COL23A1: variants seen among roughly 807,000 people sequenced by gnomAD.
COL23A1 encodes the protein collagen alpha-1(XXIII) chain.
In COL23A1, 97 loss-of-function variants were observed where a neutral mutation model predicts 99.3. The ratio of observed to expected loss-of-function variants is 0.98; its 90% CI spans 0.83 to 1.16. COL23A1 has a LOEUF of 1.16. Ranked by LOEUF, COL23A1 falls within the 50% of genes most tolerant of loss-of-function variation. The pLI, the probability that COL23A1 is intolerant of heterozygous loss-of-function variation, is 0.00. For synonymous variants in COL23A1, 320 were observed against 308.2 expected (o/e 1.04, Z -0.40); for missense variants, 762 against 757.4 (o/e 1.01, Z -0.07).
At chr5:178,535,433 T>C (rs532896116) in intron 2 of COL23A1, among the ~76,000 whole-genome samples, 110 of 152,366 alleles carry the variant, frequency 7.2e-4, no homozygotes, top group Admixed American at 7.1e-3. Context: ...AAGCTGAGCA[T>C]GCTCCTGTGA....
chr5:178,248,301 A>G (rs773125474), intron 19 of COL23A1, 47 bp from the exon 20 acceptor site: 4 of 1,451,090 alleles, frequency 2.8e-6, no homozygotes, highest in Admixed American at 1.7e-5. Context: ...CAGCACCTGT[A>G]TCACCACCCA....
At chr5:178,318,838 G>A (rs924714207) in intron 2 of COL23A1, among the ~76,000 whole-genome samples, 5 of 150,804 alleles carry the variant, frequency 3.3e-5, no homozygotes, top group Admixed American at 6.6e-5. Context: ...GGAGGCAGAG[G>A]TTGCAGCGAG....
At chr5:178,476,112 T>C (rs527418331) in intron 2 of COL23A1, among the ~76,000 whole-genome samples, 1 of 152,350 alleles carries the variant, frequency 6.6e-6, no homozygotes, top group East Asian at 1.9e-4. Context: ...GCCCTAGTCC[T>C]GTGAATGTCC....
At chr5:178,408,989 C>A (rs867189217) in intron 2 of COL23A1, among the ~76,000 whole-genome samples, 22 of 141,950 alleles carry the variant, frequency 1.5e-4, no homozygotes, top group African/African-American at 6.0e-4. Flanking sequence ...CACACACACA[C>A]ACACACACAC....
chr5:178,269,402 TCCAA>T (rs1756115696), intron 6 of COL23A1, among the ~76,000 whole-genome samples: 1 of 35,622 alleles, frequency 2.8e-5, no homozygotes, highest in Non-Finnish European at 4.7e-5. Flanking sequence ...CACCCATCCA[TCCAA>T]CCATCCATCC....
chr5:178,500,609 A>T (rs1758474223), intron 2 of COL23A1, among the ~76,000 whole-genome samples: 1 of 151,432 alleles, frequency 6.6e-6, no homozygotes, highest in Non-Finnish European at 1.5e-5. Flanking sequence ...TGTCTCAAAA[A>T]ACAAACCAAA....
At chr5:178,322,148 A>G (rs927253449) in intron 2 of COL23A1, among the ~76,000 whole-genome samples, 2 of 152,008 alleles carry the variant, frequency 1.3e-5, no homozygotes, top group Non-Finnish European at 2.9e-5. Flanking sequence ...ACCCGCCAGC[A>G]CGCCCAGTTA....
intron 2 of COL23A1, among the ~76,000 whole-genome samples, chr5:178,557,083 C>T (rs772939898): frequency 5.3e-5 from 8 of 152,234 alleles, no homozygotes; most frequent in Non-Finnish European, 1.0e-4. Flanking sequence ...GCGGGGCGGG[C>T]TCCTCAGGGA....
At chr5:178,556,197 A>G (rs931029345) in intron 2 of COL23A1, among the ~76,000 whole-genome samples, 2 of 152,162 alleles carry the variant, frequency 1.3e-5, no homozygotes, top group African/African-American at 4.8e-5. Flanking sequence ...TATCTCGGAT[A>G]CACAGACGGG....
chr5:178,289,671 G>A (rs1477616037), intron 4 of COL23A1, among the ~76,000 whole-genome samples: 1 of 152,182 alleles, frequency 6.6e-6, no homozygotes, highest in East Asian at 1.9e-4. Context: ...ACGGGACACT[G>A]AAGCATTTAG....
intron 2 of COL23A1, among the ~76,000 whole-genome samples, chr5:178,500,763 T>C (rs1363223275): frequency 6.6e-6 from 1 of 152,074 alleles, no homozygotes. Context: ...GAAGAAATTA[T>C]GAGAGATTCT....
chr5:178,387,039 G>A lies in COL23A1; in HGVS notation c.362-80120C>T, dbSNP rs535252519. Among the ~76,000 whole-genome samples, 6 of 152,078 alleles carry A rather than the reference G, an allele frequency of 3.9e-5. No homozygotes were observed. Among genetic ancestry groups the A allele is most frequent in the African/African-American group, 1.2e-4 (5 of 41,482 alleles). Reference sequence around the variant, plus strand: ...ACTTCAGCTCCAGGTTTCGTCTCTCGCTCCAGGCTTCCTGCTGTCCGACTT... The same window carrying A: ...ACTTCAGCTCCAGGTTTCGTCTCTCACTCCAGGCTTCCTGCTGTCCGACTT... On this transcript the variant is annotated intron_variant, in intron 2 of 28. Transcript: ENST00000390654. This position sits in a 1 kb window ranked among gnomAD's most constrained non-coding sequence, Gnocchi z 4.7.
intron 12 of COL23A1, 54 bp from the exon 13 acceptor site, chr5:178,257,621 C>G (rs891790786): frequency 3.3e-6 from 5 of 1,525,826 alleles, no homozygotes; most frequent in Admixed American, 3.9e-5. Flanking sequence ...GGCCAGTGGG[C>G]CCCTCCCTCC....
At chr5:178,382,968 C>T (rs1342050325) in intron 2 of COL23A1, among the ~76,000 whole-genome samples, 3 of 152,112 alleles carry the variant, frequency 2.0e-5, no homozygotes, top group Non-Finnish European at 2.9e-5. Context: ...CACTCCAGTG[C>T]AGACCTGGGG....
rs1326953616 is a variant in COL23A1, at chr5:178,254,988, C to T, written c.921G>A (p.Val307=). 6.2e-7 allele frequency: 1 copy of T among 1,613,798 alleles called. No individual in the cohort carries two copies. The highest frequency in any genetic ancestry group is 1.1e-5 in the South Asian group (1 of 91,066). ...PGLKGEQGDT[V]VIDYDGRILD... ...AGATCCTGCCATCATAGTCGATCAC[C>T]ACTGTGTCTCCCTGCTCGCCCTTGA... Residue 307 remains valine, a synonymous_variant, in exon 16 of 29, where the codon GTG becomes GTA. Coordinates refer to ENST00000390654, the MANE Select transcript of COL23A1 (RefSeq NM_173465.4).
At chr5:178,571,401 T>G (rs508327) in intron 1 of COL23A1, among the ~76,000 whole-genome samples, 53,933 of 151,706 alleles carry the variant, frequency 0.36, 10,786 homozygotes, top group African/African-American at 0.55. Context: ...ATAAAATACT[T>G]AGGGGAGCAC....
At chr5:178,472,128 G>A (rs986415936) in intron 2 of COL23A1, among the ~76,000 whole-genome samples, 4 of 152,170 alleles carry the variant, frequency 2.6e-5, no homozygotes, top group South Asian at 2.1e-4. Context: ...GGGCAACAGC[G>A]TGAGACCCTG....
In COL23A1 at chr5:178,539,526, A is replaced by T. The variant is rs1427860335; in HGVS notation, c.361+21156T>A. Among the ~76,000 whole-genome samples the T allele has an allele frequency of 8.6e-5, 11 of 127,294 alleles. No homozygotes were observed. The South Asian group carries it at 1.5e-3, about 17-fold the overall frequency. The allele number at this position is 127,294 out of a possible 152,430, so 83.5% of individuals were successfully genotyped here. On this transcript the variant is annotated intron_variant, in intron 2 of 28. Coordinates refer to ENST00000390654, the MANE Select transcript of COL23A1 (RefSeq NM_173465.4). ...GCGCCATTGCACTCCGGCCTGGGTG[A>T]CAGAGCAAGACTCTGTCTCAAAAAA...
At chr5:178,342,740 G>C (rs1760738453) in intron 2 of COL23A1, among the ~76,000 whole-genome samples, 1 of 151,906 alleles carries the variant, frequency 6.6e-6, no homozygotes, top group African/African-American at 2.4e-5. Flanking sequence ...TTATCTCTTA[G>C]TGTTATAAAC....
Sources: gnomAD v4.1 joint callset for allele counts (sites outside exome capture counted in the v4.1 genomes callset) on GRCh38, gnomAD v4.1.1 for gene constraint, Gnocchi (gnomAD v3.1) non-coding constraint, MANE v1.5 for transcripts, NCBI Gene and HGNC (gene_info 2026-07-23, HGNC 2026-07-21) for gene names.